Variants in UBE3B observed in about 807,000 individuals in gnomAD.
UBE3B encodes ubiquitin-protein ligase E3B.
UBE3B carries 80 observed loss-of-function variants against 132.3 expected under a neutral mutation model. That is an observed-to-expected ratio of 0.60 (90% CI 0.50 to 0.73). UBE3B has a LOEUF of 0.73. Ranked by LOEUF, UBE3B falls within the 30% of genes least tolerant of loss-of-function variation. UBE3B has a pLI of 0.00. For missense variants in UBE3B, 1,196 were observed against 1,362.5 expected (o/e 0.88, Z 1.92); for synonymous variants, 487 against 520.4 (o/e 0.94, Z 0.87).
At position 109,524,492 on chromosome 12, in the gene UBE3B, G is replaced by C. The variant is rs374684265; in HGVS notation, c.2557G>C (p.Val853Leu). ...LGLTLSYDED[V>L]MGQLVCHELI... ...CCTGACGCTGTCTTACGACGAGGAC[G>C]TCATGGGTCAGGTAGGTCCGCCCTT... Residue 853 changes from valine (V) to leucine (L), a missense_variant, in exon 23 of 28, where the codon GTC becomes CTC. Val to Leu is a conservative substitution (Grantham distance 32). Transcript: ENST00000342494. 2.0e-5 allele frequency: 32 copies of C among 1,614,000 alleles called. No homozygotes were observed. Among genetic ancestry groups the C allele is most frequent in the Admixed American group, 6.7e-5 (4 of 60,012 alleles).
intron 24 of UBE3B, 43 bp from the exon 25 acceptor site, chr12:109,529,847 G>A (rs529959283): frequency 9.3e-6 from 15 of 1,610,092 alleles, no homozygotes; most frequent in Admixed American, 5.0e-5. Flanking sequence ...AGCCTGCCCC[G>A]TCCTGTTAAT....
At chr12:109,516,405 G>A (rs188251483) in intron 18 of UBE3B, among the ~76,000 whole-genome samples, 8 of 152,118 alleles carry the variant, frequency 5.3e-5, no homozygotes, top group East Asian at 1.9e-4. Flanking sequence ...TTGAACTCCC[G>A]ACCTCAGGTA....
At chr12:109,505,424 A>G (rs1333178853) in intron 14 of UBE3B, among the ~76,000 whole-genome samples, 1 of 152,240 alleles carries the variant, frequency 6.6e-6, no homozygotes, top group Non-Finnish European at 1.5e-5. Context: ...TCTACGCTAC[A>G]TGAGTCCTTT....
At chr12:109,539,678 G>T (rs1274179375), downstream of UBE3B, among the ~76,000 whole-genome samples, 1 of 152,122 alleles carries the variant, frequency 6.6e-6, no homozygotes, top group East Asian at 1.9e-4. Flanking sequence ...TTTGTTCCAG[G>T]GATCGAATTG....
At chr12:109,479,708 TATATG>T (rs1278645337) in intron 1 of UBE3B, among the ~76,000 whole-genome samples, 10 of 152,186 alleles carry the variant, frequency 6.6e-5, no homozygotes, top group African/African-American at 2.4e-4. Context: ...TGTAGGCTAT[TATATG>T]ATATGAACAG....
downstream of UBE3B, chr12:109,536,744 C>T (rs1649211851): frequency 6.6e-6 from 1 of 152,240 alleles, no homozygotes; most frequent in African/African-American, 2.4e-5. Flanking sequence ...TATGCCTGGA[C>T]CGTTCACACT....
chr12:109,509,647 A>G lies in UBE3B; in HGVS notation c.1674A>G (p.Glu558=). ...AAGAACAGATTTCATTCAAACTGGA[A>G]GAGCTGGTCACTATCTCCTCTTTCC... ...VYEEQISFKL[E]ELVTISSFLN... is the part of the protein sequence containing the mutation. The change falls in exon 16 of 28, where the codon GAA becomes GAG. Residue 558 remains glutamate, a synonymous_variant. Transcript: ENST00000342494. The G allele has an allele frequency of 6.2e-7, 1 of 1,611,622 alleles. No homozygotes were observed. Among genetic ancestry groups the G allele is most frequent in the Middle Eastern group, 1.7e-4 (1 of 6,060 alleles).
intron 9 of UBE3B, chr12:109,491,361 T>C (rs1877443047): frequency 5.3e-6 from 2 of 380,936 alleles, no homozygotes; most frequent in South Asian, 2.2e-4. Flanking sequence ...AGTGTGATCT[T>C]TGGAAACTAT....
At chr12:109,524,381 C>G in intron 22 of UBE3B, 57 bp from the exon 23 acceptor site, 2 of 1,602,482 alleles carry the variant, frequency 1.2e-6, no homozygotes, top group Non-Finnish European at 1.7e-6. Flanking sequence ...AGGGTTAAAC[C>G]TCTTAAGCAC....
chr12:109,488,402 A>AT (rs200794116), intron 6 of UBE3B, among the ~76,000 whole-genome samples, 170 bp from the exon 7 acceptor site: 7,298 of 152,184 alleles, frequency 0.048, 214 homozygotes, highest in Non-Finnish European at 0.067. Context: ...ATTCCCTGTT[A>AT]TTTAACTCCT....
At chr12:109,503,268 T>C (rs1252830227) in intron 14 of UBE3B, 78 bp downstream of exon 14, 1 of 1,551,274 alleles carries the variant, frequency 6.4e-7, no homozygotes, top group Non-Finnish European at 8.7e-7. Context: ...GATGTTTTTT[T>C]CTGGCTTCTT....
intron 9 of UBE3B, chr12:109,491,348 T>C: frequency 2.5e-6 from 1 of 401,394 alleles, no homozygotes; most frequent in Admixed American, 4.2e-5. Flanking sequence ...TGAATATTAT[T>C]GCAGTGTGAT....
chr12:109,526,331 A>C, intron 23 of UBE3B, 27 bp from the exon 24 acceptor site: 1 of 1,612,990 alleles, frequency 6.2e-7, no homozygotes, highest in South Asian at 1.1e-5. Flanking sequence ...AGTCCTCCCT[A>C]TTAATTACTC....
intron 18 of UBE3B, among the ~76,000 whole-genome samples, chr12:109,512,399 T>C (rs1025529318): frequency 6.6e-6 from 1 of 151,746 alleles, no homozygotes; most frequent in African/African-American, 2.4e-5. Context: ...TGAGAGAGAC[T>C]TGGGGAGGAT....
intron 15 of UBE3B, chr12:109,509,358 C>G (rs1291065079): frequency 6.5e-6 from 2 of 309,560 alleles, no homozygotes; most frequent in Admixed American, 4.7e-5. Flanking sequence ...GCACCTGTCA[C>G]CCCGTCATCT....
chr12:109,499,594 TTGTC>T (rs1878693316), intron 11 of UBE3B, 35 bp from the exon 12 acceptor site: 5 of 1,504,638 alleles, frequency 3.3e-6, no homozygotes, highest in Non-Finnish European at 3.6e-6. Flanking sequence ...ACCAAAATGT[TTGTC>T]TGGGCCCATC....
At chr12:109,529,782 GT>G (rs1882759814) in intron 24 of UBE3B, 107 bp from the exon 25 acceptor site, 14 of 1,359,590 alleles carry the variant, frequency 1.0e-5, no homozygotes, top group African/African-American at 1.4e-5. Context: ...TACTATTTGT[GT>G]TTTTTGTAAA....
intron 12 of UBE3B, among the ~76,000 whole-genome samples, chr12:109,500,783 T>C (rs1247612030): frequency 1.3e-5 from 2 of 152,208 alleles, no homozygotes; most frequent in African/African-American, 4.8e-5. Context: ...TCTAGAAAGA[T>C]TGAATGAGAT....
chr12:109,538,156 A>G (rs186898782), downstream of UBE3B, among the ~76,000 whole-genome samples: 1 of 152,380 alleles, frequency 6.6e-6, no homozygotes, highest in Admixed American at 6.5e-5. This position sits in a 1 kb window ranked among gnomAD's most constrained non-coding sequence, Gnocchi z 4.1. Context: ...TAGCTGGAAC[A>G]GAGTTTGAGA....
Sources: allele counts gnomAD v4.1 joint callset (sites outside exome capture counted in the v4.1 genomes callset), GRCh38; gene constraint gnomAD v4.1.1; non-coding constraint Gnocchi (gnomAD v3.1); transcripts MANE v1.5; gene names NCBI Gene and HGNC (gene_info 2026-07-23, HGNC 2026-07-21).